Variants in SPOCK3 observed in about 807,000 individuals in gnomAD.
SPOCK3 encodes SPARC (osteonectin), cwcv and kazal like domains proteoglycan 3.
In SPOCK3, 30 loss-of-function variants were observed where a neutral mutation model predicts 56.6. That is an observed-to-expected ratio of 0.53 (90% confidence interval 0.40 to 0.72). SPOCK3 has a LOEUF of 0.72. Ranked by LOEUF, SPOCK3 falls within the 30% of genes least tolerant of loss-of-function variation. The pLI is 0.00. For synonymous variants in SPOCK3, 196 were observed against 183.3 expected (o/e 1.07, Z -0.56); for missense variants, 527 against 530.0 (o/e 0.99, Z 0.06).
At chr4:166,814,097 AC>A (rs1193161730) in intron 6 of SPOCK3, among the ~76,000 whole-genome samples, 1 of 152,106 alleles carries the variant, frequency 6.6e-6, no homozygotes, top group African/African-American at 2.4e-5. Context: ...GCAGAAAAGA[AC>A]CCTGAAAATC....
At chr4:166,914,588 T>A (rs142547929) in intron 4 of SPOCK3, among the ~76,000 whole-genome samples, 1,675 of 152,112 alleles carry the variant, frequency 0.011, 39 homozygotes, top group African/African-American at 0.038. Context: ...CTGACCAACA[T>A]GGAGAAATCC....
intron 2 of SPOCK3, among the ~76,000 whole-genome samples, chr4:167,141,552 T>G (rs1763532743): frequency 6.6e-6 from 1 of 152,030 alleles, no homozygotes; most frequent in Non-Finnish European, 1.5e-5. Context: ...TGCCACTGTG[T>G]TTTCCCCAAT....
chr4:167,057,268 A>G (rs868368333), intron 3 of SPOCK3, among the ~76,000 whole-genome samples: 2,287 of 152,242 alleles, frequency 0.015, 58 homozygotes, highest in African/African-American at 0.052. Flanking sequence ...GCCTGCCCTA[A>G]AAGAGCTCCT....
rs923652387 is a variant in SPOCK3, at chr4:167,162,123, T to C, written c.189+71862A>G. Among the ~76,000 whole-genome samples the C allele has an allele frequency of 2.6e-5, 4 of 152,090 alleles. No individual in the cohort carries two copies. In the South Asian group the frequency reaches 8.3e-4, roughly 32 times the overall value. On this transcript the variant is annotated intron_variant, in intron 2 of 10. Transcript: ENST00000357545. ...TCCCCACCTATTTATGAACATTAGG[T>C]CATACCCTTTTGTCTAATCACACTT...
At chr4:166,869,376 C>T (rs760564969) in intron 6 of SPOCK3, among the ~76,000 whole-genome samples, 13 of 152,052 alleles carry the variant, frequency 8.5e-5, no homozygotes, top group African/African-American at 2.4e-4. Context: ...CTCAGAGCTC[C>T]AAACTAAACC....
intron 7 of SPOCK3, among the ~76,000 whole-genome samples, chr4:166,772,040 AGAAAATCACG>A (rs1738995985): frequency 2.6e-5 from 4 of 152,210 alleles, no homozygotes; most frequent in Admixed American, 2.6e-4. Context: ...AAGATTTTGA[AGAAAATCACG>A]GAAAATCAGT....
At chr4:167,062,168 T>G (rs1561175923) in intron 3 of SPOCK3, among the ~76,000 whole-genome samples, 1 of 151,854 alleles carries the variant, frequency 6.6e-6, no homozygotes. Flanking sequence ...ATAAATCTAT[T>G]GCCCAGTGAA....
chr4:167,221,416 C>T (rs1260797664), intron 2 of SPOCK3, among the ~76,000 whole-genome samples: 1 of 151,800 alleles, frequency 6.6e-6, no homozygotes, highest in Non-Finnish European at 1.5e-5. Flanking sequence ...GCAATTTGAG[C>T]TGTCTGTAGT....
chr4:167,222,517 T>C (rs1213649409), intron 2 of SPOCK3, among the ~76,000 whole-genome samples: 4 of 146,386 alleles, frequency 2.7e-5, no homozygotes, highest in Non-Finnish European at 6.0e-5. Context: ...ATATATAATA[T>C]ATAACATGTA....
intron 3 of SPOCK3, among the ~76,000 whole-genome samples, chr4:167,060,051 A>T (rs1189174065): frequency 2.0e-5 from 3 of 151,796 alleles, no homozygotes; most frequent in East Asian, 3.9e-4. Context: ...ACCTAATGCT[A>T]AATGACGAGT....
At chr4:167,098,177 A>AT (rs1759325532) in intron 2 of SPOCK3, among the ~76,000 whole-genome samples, 1 of 151,950 alleles carries the variant, frequency 6.6e-6, no homozygotes, top group African/African-American at 2.4e-5. Flanking sequence ...TGTGGAGAAT[A>AT]TTCTAAGTGT....
intron 4 of SPOCK3, among the ~76,000 whole-genome samples, chr4:166,953,242 AAAAC>A (rs1337018995): frequency 2.6e-5 from 4 of 152,038 alleles, no homozygotes; most frequent in Non-Finnish European, 4.4e-5. Flanking sequence ...TTACAAGAAA[AAAAC>A]AAACAACCCC....
chr4:166,744,964 G>T (rs1282686496), intron 8 of SPOCK3, among the ~76,000 whole-genome samples: 1 of 152,114 alleles, frequency 6.6e-6, no homozygotes, highest in Non-Finnish European at 1.5e-5. Context: ...AACGAACAAA[G>T]CCTCCAAGAA....
In SPOCK3 at chr4:166,734,915, C is replaced by T; in HGVS notation, c.*6G>A. The T allele has an allele frequency of 6.6e-7, 1 of 1,506,740 alleles. No homozygotes were observed. Among genetic ancestry groups the T allele is most frequent in the African/African-American group, 1.4e-5 (1 of 72,174 alleles). The allele number at this position is 1,506,740 out of a possible 1,614,324, so 93.3% of individuals were successfully genotyped here. A position where few individuals can be genotyped will look rare whatever the true frequency, so the allele number is the denominator to read the frequency against. On this transcript the variant is annotated 3_prime_UTR_variant, in exon 11 of 11. Transcript: ENST00000357545. ...TGTAGAATTTATTGATTTCAACTGT[C>T]ATCAATCAAATGTATACATCATGGT...
At chr4:166,844,804 T>G (rs2126848134) in intron 6 of SPOCK3, among the ~76,000 whole-genome samples, 2 of 152,338 alleles carry the variant, frequency 1.3e-5, no homozygotes, top group Admixed American at 1.3e-4. Flanking sequence ...AGATCCTATT[T>G]GTTGTCTCTC....
intron 3 of SPOCK3, among the ~76,000 whole-genome samples, chr4:167,027,697 ATGT>A (rs1751829342): frequency 6.6e-6 from 1 of 152,086 alleles, no homozygotes; most frequent in Non-Finnish European, 1.5e-5. Flanking sequence ...CTAGAGAAAA[ATGT>A]TATTAAGAAA....
intron 6 of SPOCK3, among the ~76,000 whole-genome samples, chr4:166,859,313 G>A (rs1008965105): frequency 1.3e-5 from 2 of 152,092 alleles, no homozygotes; most frequent in Admixed American, 1.3e-4. Flanking sequence ...TAGACATGTA[G>A]AAGGCCTAGA....
chr4:167,205,489 A>ATT (rs1734142680), intron 2 of SPOCK3, among the ~76,000 whole-genome samples: 1 of 54,352 alleles, frequency 1.8e-5, no homozygotes, highest in Non-Finnish European at 3.0e-5. Flanking sequence ...TATAATATAT[A>ATT]ATATATAATA....
At chr4:167,005,970 T>C (rs1326179202) in intron 3 of SPOCK3, among the ~76,000 whole-genome samples, 1 of 152,212 alleles carries the variant, frequency 6.6e-6, no homozygotes, top group Non-Finnish European at 1.5e-5. Context: ...CATTATATGA[T>C]ACACAAATCA....
Sources: allele counts gnomAD v4.1 joint callset (sites outside exome capture counted in the v4.1 genomes callset), GRCh38; gene constraint gnomAD v4.1.1; transcripts MANE v1.5; gene names NCBI Gene and HGNC (gene_info 2026-07-23, HGNC 2026-07-21).